Variants in SDK1 observed in about 807,000 individuals in gnomAD.
SDK1 encodes protein sidekick-1.
In SDK1, 157 loss-of-function variants were observed where a neutral mutation model predicts 245.5. That is an observed-to-expected ratio of 0.64 (90% CI 0.56 to 0.73). The LOEUF (loss-of-function observed/expected upper bound fraction) is 0.73, where lower values mean the gene tolerates loss of function less well. Among genes scored for constraint, SDK1 ranks in the 30% least tolerant of loss-of-function variants. The probability of loss-of-function intolerance (pLI) is 0.00; values close to 1 mark genes in which losing one functional copy is unlikely to be tolerated. For missense variants in SDK1, 3,583 were observed against 3,002.3 expected, an observed-to-expected ratio of 1.19 and a Z score of -4.52; for synonymous variants, 1,647 against 1,278.5, an observed-to-expected ratio of 1.29 and a Z score of -6.15.
At position 3,360,341 on chromosome 7, in the gene SDK1, G is replaced by C. The variant is rs150339788; in HGVS notation, c.298+58457G>C. ...TTATCTAGATTTTAGGAACTACTGG[G>C]GCAGATTCTCATCAGACAGGTGCAA... On this transcript the variant is annotated intron_variant, in intron 1 of 44. Coordinates refer to ENST00000404826, the MANE Select transcript of SDK1 (RefSeq NM_152744.4). Among the ~76,000 whole-genome samples the C allele has an allele frequency of 8.8e-4, 134 of 152,190 alleles. 1 individual carries two copies. The highest frequency in any genetic ancestry group is 3.0e-3 in the African/African-American group (124 of 41,512).
intron 4 of SDK1, among the ~76,000 whole-genome samples, chr7:3,714,071 G>A (rs780420133): frequency 2.6e-5 from 4 of 152,164 alleles, no homozygotes; most frequent in Admixed American, 6.5e-5. Context: ...GTCGTGAGCC[G>A]GCTGCCTGAC....
Position 3,642,065 on chromosome 7 carries a change from T to C in SDK1, c.673T>C (p.Trp225Arg). 6.2e-7 allele frequency: 1 copy of C among 1,614,174 alleles called. No individual in the cohort carries two copies. The highest frequency in any genetic ancestry group is 8.5e-7 in the Non-Finnish European group (1 of 1,180,026). ...CAGCTACCCCAGACCTCAAGTGACT[T>C]GGTTTAGAGAAGGGCACAAGATTAT... ...ITSYPRPQVT[W>R]FREGHKIIPS... The change falls in exon 4 of 45, where the codon TGG becomes CGG. Residue 225 changes from tryptophan (W) to arginine (R), a missense_variant. By Grantham distance (101) the Trp-to-Arg change is moderately radical. Transcript: ENST00000404826.
In SDK1 at chr7:3,763,802, A is replaced by G. The variant is rs138755576; in HGVS notation, c.714-57648A>G. On this transcript the variant is annotated intron_variant, in intron 4 of 44. Transcript: ENST00000404826. Reference sequence around the variant, plus strand: ...ATAGTTTAAAATTCATTCATGACATATTCATACATTAGAATAGTATTTACT... The same window carrying G: ...ATAGTTTAAAATTCATTCATGACATGTTCATACATTAGAATAGTATTTACT... Among the ~76,000 whole-genome samples the G allele has an allele frequency of 5.3e-5, 8 of 152,314 alleles. No homozygotes were observed. In the East Asian group the frequency reaches 1.5e-3, roughly 29 times the overall value.
intron 1 of SDK1, among the ~76,000 whole-genome samples, chr7:3,510,291 C>T (rs1312968248): frequency 6.6e-6 from 1 of 152,202 alleles, no homozygotes; most frequent in Non-Finnish European, 1.5e-5. Context: ...AAAGCAGTGT[C>T]TGAATACTTA....
chr7:4,267,606 A>T lies in SDK1; in HGVS notation c.*2222A>T. 1 of 985,452 alleles carries T rather than the reference A, an allele frequency of 1.0e-6. No individual in the cohort carries two copies. Among genetic ancestry groups the T allele is most frequent in the Admixed American group, 6.1e-5 (1 of 16,280 alleles). The allele number at this position is 985,452 out of a possible 1,614,324, so 61.0% of individuals were successfully genotyped here. A position where few individuals can be genotyped will look rare whatever the true frequency, so the allele number is the denominator to read the frequency against. ...CCAGCGCTGCTTTCTGTGCACTCTG[A>T]TGACTGCTCTCTGCAGCCATGAGGA... is the stretch of plus-strand genomic sequence containing the variant. On this transcript the variant is annotated 3_prime_UTR_variant, in exon 45 of 45. Transcript: ENST00000404826.
At chr7:3,654,601 C>T (rs978166078) in intron 4 of SDK1, among the ~76,000 whole-genome samples, 32 of 152,288 alleles carry the variant, frequency 2.1e-4, no homozygotes, top group African/African-American at 7.0e-4. Context: ...CAAGTGTCTT[C>T]TCTTTTGGTG....
chr7:3,521,440 T>C (rs1782936383), intron 1 of SDK1, among the ~76,000 whole-genome samples: 3 of 152,150 alleles, frequency 2.0e-5, no homozygotes, highest in African/African-American at 7.2e-5. Flanking sequence ...TATACAAACA[T>C]ACTCTTTCTA....
intron 1 of SDK1, among the ~76,000 whole-genome samples, chr7:3,453,973 G>A (rs983681676): frequency 3.3e-5 from 5 of 152,122 alleles, no homozygotes; most frequent in African/African-American, 9.7e-5. Context: ...GACTGGTTTT[G>A]TAGGAGAAAA....
intron 1 of SDK1, among the ~76,000 whole-genome samples, chr7:3,543,349 C>T (rs184219237): frequency 1.3e-5 from 2 of 152,240 alleles, no homozygotes; most frequent in African/African-American, 4.8e-5. Flanking sequence ...CTATCTGTTG[C>T]AAGTGTGAGG....
intron 4 of SDK1, among the ~76,000 whole-genome samples, chr7:3,741,543 A>G (rs1311971996): frequency 6.6e-6 from 1 of 152,248 alleles, no homozygotes; most frequent in Non-Finnish European, 1.5e-5. Context: ...TATTGGATTC[A>G]TATTAAATAG....
At chr7:3,398,137 A>G (rs1392818532) in intron 1 of SDK1, among the ~76,000 whole-genome samples, 1 of 152,058 alleles carries the variant, frequency 6.6e-6, no homozygotes, top group East Asian at 1.9e-4. Flanking sequence ...CTGTAGCTGT[A>G]GGTTTTTCTG....
intron 4 of SDK1, among the ~76,000 whole-genome samples, chr7:3,775,022 C>T (rs756566336): frequency 2.6e-5 from 4 of 152,118 alleles, no homozygotes; most frequent in Admixed American, 6.5e-5. Flanking sequence ...GGACAGTGCT[C>T]GGCGCTGATC....
chr7:3,455,008 T>G lies in SDK1; in HGVS notation c.298+153124T>G, dbSNP rs575064475. On this transcript the variant is annotated intron_variant, in intron 1 of 44. Coordinates refer to ENST00000404826, the MANE Select transcript of SDK1 (RefSeq NM_152744.4). ...CTGCATTTGGTGTTATCCTTATTTT[T>G]TTATTTTAGATATTCTGATAGGTAT... Among the ~76,000 whole-genome samples the G allele has an allele frequency of 2.0e-5, 3 of 152,340 alleles. No individual in the cohort carries two copies. In the East Asian group the frequency reaches 5.8e-4, roughly 29 times the overall value.
chr7:3,861,633 A>C (rs760040820), intron 5 of SDK1, among the ~76,000 whole-genome samples: 2 of 152,212 alleles, frequency 1.3e-5, no homozygotes, highest in Admixed American at 6.5e-5. Flanking sequence ...TGCTCATTCA[A>C]AACCTTATTT....
intron 4 of SDK1, among the ~76,000 whole-genome samples, chr7:3,681,415 T>A (rs1784097242): frequency 6.6e-6 from 1 of 152,212 alleles, no homozygotes; most frequent in Non-Finnish European, 1.5e-5. Context: ...CTCTGACCTT[T>A]CCTGTACACA....
chr7:3,729,862 C>T (rs1779126859), intron 4 of SDK1, among the ~76,000 whole-genome samples: 1 of 151,654 alleles, frequency 6.6e-6, no homozygotes, highest in South Asian at 2.1e-4. Flanking sequence ...TGGCTAAGAT[C>T]AAGTGAAGAA....
chr7:3,959,091 C>T lies in SDK1; in HGVS notation c.1234+77C>T, dbSNP rs187731260. The stretch of plus-strand genomic sequence containing the variant: ...ACAACCTTTTTCCATAGCAGAATTG[C>T]CATCATTCTAGGGAGACATTGAGTG... On this transcript the variant is annotated intron_variant, in intron 8 of 44. Coordinates refer to ENST00000404826, the MANE Select transcript of SDK1 (RefSeq NM_152744.4). 12 of 1,116,864 alleles carry T rather than the reference C, an allele frequency of 1.1e-5. No homozygotes were observed. In the African/African-American group the frequency reaches 1.4e-4, roughly 13 times the overall value. The allele number at this position is 1,116,864 out of a possible 1,614,324, so 69.2% of individuals were successfully genotyped here.
In SDK1 at chr7:3,824,245, A is replaced by C. The variant is rs544279747; in HGVS notation, c.847+2662A>C. 2.0e-5 allele frequency among the ~76,000 whole-genome samples: 3 copies of C among 152,262 alleles called. No homozygotes were observed. The South Asian group carries it at 6.2e-4, about 32-fold the overall frequency. On this transcript the variant is annotated intron_variant, in intron 5 of 44. Transcript: ENST00000404826. ...GATAGAGTGTGTTCTGCAGACTTAGATATCTTTTTCTTCTGATGTAGGCTT... is the reference window on the plus strand; with the variant it reads ...GATAGAGTGTGTTCTGCAGACTTAGCTATCTTTTTCTTCTGATGTAGGCTT...
intron 4 of SDK1, among the ~76,000 whole-genome samples, chr7:3,665,888 T>G (rs1414550257): frequency 1.3e-5 from 2 of 152,186 alleles, no homozygotes; most frequent in Non-Finnish European, 2.9e-5. Flanking sequence ...TGAAGATGTT[T>G]CCTCAGTTGG....
Sources: allele counts gnomAD v4.1 joint callset (sites outside exome capture counted in the v4.1 genomes callset), GRCh38; gene constraint gnomAD v4.1.1; transcripts MANE v1.5; gene names NCBI Gene and HGNC (gene_info 2026-07-23, HGNC 2026-07-21).